LRRK2: variants seen among roughly 807,000 people sequenced by gnomAD.
The protein encoded by LRRK2 is leucine-rich repeat serine/threonine-protein kinase 2.
A neutral mutation model predicts 302.6 loss-of-function variants in LRRK2; 203 were observed. The ratio of observed to expected loss-of-function variants is 0.67; its 90% CI spans 0.60 to 0.75. The LOEUF (loss-of-function observed/expected upper bound fraction) is 0.75, where lower values mean the gene tolerates loss of function less well. Ranked by LOEUF, LRRK2 falls within the 30% of genes least tolerant of loss-of-function variation. The pLI is 0.00. For synonymous variants in LRRK2, 1,066 were observed against 1,031.9 expected (o/e 1.03, Z -0.63); for missense variants, 2,830 against 2,951.0 (o/e 0.96, Z 0.95).
intron 24 of LRRK2, among the ~76,000 whole-genome samples, 182 bp from the exon 25 acceptor site, chr12:40,298,927 A>ACTATATATAATATTTATTATATAT (rs1565727388): frequency 7.7e-6 from 1 of 129,280 alleles, no homozygotes; most frequent in African/African-American, 2.9e-5. Context: ...TTATATATAT[A>ACTATATATAATATTTATTATATAT]ATAAAAGACC....
intron 50 of LRRK2, 33 bp downstream of exon 50, chr12:40,367,110 G>A (rs938821494): frequency 6.8e-7 from 1 of 1,478,160 alleles, no homozygotes; most frequent in Non-Finnish European, 9.5e-7. Flanking sequence ...TTTCCAAACA[G>A]GGCAATGATG....
At chr12:40,319,894 C>A in intron 33 of LRRK2, 94 bp from the exon 34 acceptor site, 1 of 1,214,598 alleles carries the variant, frequency 8.2e-7, no homozygotes, top group East Asian at 2.4e-5. Context: ...ATCTTTCTGA[C>A]TACTTTCACT....
chr12:40,323,203 A>G lies in LRRK2; in HGVS notation c.5553A>G (p.Pro1851=), dbSNP rs780820103. ...CAGATCAACCAAGGCTCACCATTCC[A>G]ATATCTCAGATTGCCCCTGACTTGA... ...VNPDQPRLTI[P]ISQIAPDLIL... is the part of the protein sequence containing the mutation. The change falls in exon 38 of 51, where the codon CCA becomes CCG. Residue 1851 remains proline (P), a synonymous_variant. Transcript: ENST00000298910. The G allele has an allele frequency of 2.0e-5, 33 of 1,613,188 alleles. No individual in the cohort carries two copies. The highest frequency in any genetic ancestry group is 2.8e-5 in the Non-Finnish European group (33 of 1,179,446).
chr12:40,326,284 G>A (rs1238291310), intron 38 of LRRK2, among the ~76,000 whole-genome samples: 1 of 151,930 alleles, frequency 6.6e-6, no homozygotes, highest in Non-Finnish European at 1.5e-5. Flanking sequence ...CTAACACGGT[G>A]AAACCCCATC....
intron 40 of LRRK2, among the ~76,000 whole-genome samples, chr12:40,338,409 G>T (rs1335990557): frequency 6.6e-6 from 1 of 152,184 alleles, no homozygotes; most frequent in Non-Finnish European, 1.5e-5. Context: ...AAGCTATGAA[G>T]AAAGAAGTCT....
At position 40,317,396 on chromosome 12, in the gene LRRK2, G is replaced by T. The variant is rs980365982; in HGVS notation, c.4827+2096G>T. Among the ~76,000 whole-genome samples, 8 of 152,076 alleles carry T rather than the reference G, an allele frequency of 5.3e-5. 1 individual carries two copies. ...AATCAAGTGAAACCAAGAGCAACTT[G>T]TCTGACAGCTATTAGCAAAAATAAA... On this transcript the variant is annotated intron_variant, in intron 33 of 50. Coordinates refer to ENST00000298910, the MANE Select transcript of LRRK2 (RefSeq NM_198578.4).
intron 7 of LRRK2, among the ~76,000 whole-genome samples, chr12:40,246,104 A>C (rs555585486): frequency 6.6e-6 from 1 of 151,880 alleles, no homozygotes; most frequent in Non-Finnish European, 1.5e-5. Flanking sequence ...TTAAACTTTT[A>C]AAAAAAATTT....
At chr12:40,322,288 AAGGTGTTG>A in intron 36 of LRRK2, 23 bp from the exon 37 acceptor site, 1 of 1,611,752 alleles carries the variant, frequency 6.2e-7, no homozygotes, top group Non-Finnish European at 8.5e-7. Flanking sequence ...AGGTTTAGAC[AAGGTGTTG>A]AGCTCTGTTT....
chr12:40,294,147 CTAT>C (rs1944283161), intron 21 of LRRK2, among the ~76,000 whole-genome samples: 1 of 139,862 alleles, frequency 7.1e-6, no homozygotes, highest in South Asian at 3.3e-4. Context: ...ATCTATCTAT[CTAT>C]CTATCTATCT....
At position 40,251,680 on chromosome 12, in the gene LRRK2, A is replaced by G; in HGVS notation, c.1181+136A>G. On this transcript the variant is annotated intron_variant, in intron 10 of 50. Transcript: ENST00000298910. ...ATTTAGTTTTAGATGTTGCTGCAAAATAGTAGTAGGTATGTAGTATTTTGA... is the reference window on the plus strand; with the variant it reads ...ATTTAGTTTTAGATGTTGCTGCAAAGTAGTAGTAGGTATGTAGTATTTTGA... 3 of 735,888 alleles carry G rather than the reference A, an allele frequency of 4.1e-6. No homozygotes were observed. In the South Asian group the frequency reaches 5.1e-5, roughly 13 times the overall value. 45.6% of individuals were successfully genotyped at this position (735,888 alleles called of 1,614,324 possible).
At chr12:40,362,737 A>G (rs904506939) in intron 47 of LRRK2, among the ~76,000 whole-genome samples, 1 of 152,070 alleles carries the variant, frequency 6.6e-6, no homozygotes, top group African/African-American at 2.4e-5. Flanking sequence ...AAGGTAGCCA[A>G]TCTGTTTGTG....
Position 40,294,884 on chromosome 12 carries a change from A to G in LRRK2, c.2848A>G (p.Arg950Gly). 1 of 1,551,264 alleles carries G rather than the reference A, an allele frequency of 6.4e-7. No individual in the cohort carries two copies. Among genetic ancestry groups the G allele is most frequent in the Non-Finnish European group, 8.9e-7 (1 of 1,127,046 alleles). Residue 950 changes from arginine (R) to glycine (G), a missense_variant, in exon 22 of 51, where the codon AGA (arginine) becomes GGA (glycine). Coordinates refer to ENST00000298910, the MANE Select transcript of LRRK2 (RefSeq NM_198578.4). ...FDHEDLLKRK[R>G]KILSSDDSLR... ...TCATGAAGATTTACTGAAGCGAAAAAGAAAAATATTATCTTCAGATGATTC... is the reference window on the plus strand; with the variant it reads ...TCATGAAGATTTACTGAAGCGAAAAGGAAAAATATTATCTTCAGATGATTC...
At chr12:40,276,474 T>G (rs1943458207) in intron 16 of LRRK2, among the ~76,000 whole-genome samples, 1 of 152,168 alleles carries the variant, frequency 6.6e-6, no homozygotes, top group African/African-American at 2.4e-5. Context: ...GTTTGTATTT[T>G]TAGCTGAGAT....
intron 31 of LRRK2, among the ~76,000 whole-genome samples, chr12:40,313,614 A>G (rs1945106164): frequency 1.3e-5 from 2 of 152,032 alleles, no homozygotes; most frequent in South Asian, 4.1e-4. Flanking sequence ...ATCTTATACT[A>G]GCGTGTCTGT....
At chr12:40,260,979 TAA>T (rs1440620612) in intron 13 of LRRK2, among the ~76,000 whole-genome samples, 1 of 152,216 alleles carries the variant, frequency 6.6e-6, no homozygotes, top group Non-Finnish European at 1.5e-5. Flanking sequence ...TTTCTCTGTA[TAA>T]GAGTATTACT....
At chr12:40,265,140 A>G (rs1482452429) in intron 14 of LRRK2, among the ~76,000 whole-genome samples, 1 of 152,214 alleles carries the variant, frequency 6.6e-6, no homozygotes, top group African/African-American at 2.4e-5. Flanking sequence ...TCAAACTTTA[A>G]TACAATCCTT....
In LRRK2 at chr12:40,298,468, A is replaced by T; in HGVS notation, c.3322A>T (p.Lys1108Ter). ...VPENLTDVVE[K>*]LEQLILEGNK... ...TGAGAACCTCACTGATGTGGTAGAG[A>T]AACTGGAGCAGCTCATTTTAGAAGG... The change falls in exon 24 of 51, where the codon AAA (lysine) becomes TAA (stop). Residue 1108 changes from lysine to a stop codon, truncating the protein, a stop_gained. Transcript: ENST00000298910. LOFTEE classifies it high-confidence loss of function. 1 of 1,613,944 alleles carries T rather than the reference A, an allele frequency of 6.2e-7. No homozygotes were observed. Among genetic ancestry groups the T allele is most frequent in the Non-Finnish European group, 8.5e-7 (1 of 1,179,948 alleles).
intron 18 of LRRK2, among the ~76,000 whole-genome samples, chr12:40,283,032 A>C (rs1435492143): frequency 6.8e-6 from 1 of 147,906 alleles, no homozygotes; most frequent in Non-Finnish European, 1.5e-5. Context: ...TTGCTATGGC[A>C]TAGGATTTTT....
At chr12:40,263,225 T>C (rs1942852844) in intron 13 of LRRK2, among the ~76,000 whole-genome samples, 1 of 152,208 alleles carries the variant, frequency 6.6e-6, no homozygotes, top group Admixed American at 6.5e-5. Flanking sequence ...TTAGCATAGT[T>C]CAGCTACAGT....
Sources: gnomAD v4.1 joint callset for allele counts (sites outside exome capture counted in the v4.1 genomes callset) on GRCh38, gnomAD v4.1.1 for gene constraint, MANE v1.5 for transcripts, NCBI Gene and HGNC (gene_info 2026-07-23, HGNC 2026-07-21) for gene names.